The following TLR2 variants were observed in gnomAD, a reference collection of about 807,000 sequenced individuals.
The protein encoded by TLR2 is toll-like receptor 2.
In TLR2, 7 loss-of-function variants were observed where a neutral mutation model predicts 9.1. The ratio of observed to expected loss-of-function variants is 0.77; its 90% CI spans 0.44 to 1.44. The LOEUF (loss-of-function observed/expected upper bound fraction) is 1.44. Among genes scored for constraint, TLR2 ranks in the 40% most tolerant of loss-of-function variants. The pLI is 0.01. For missense variants in TLR2, 812 were observed against 904.6 expected, an observed-to-expected ratio of 0.90 and a Z score of 1.31; for synonymous variants, 317 against 344.6, an observed-to-expected ratio of 0.92 and a Z score of 0.89.
intron 2 of TLR2, among the ~76,000 whole-genome samples, chr4:153,696,315 TG>T (rs1736492567): frequency 6.6e-6 from 1 of 152,212 alleles, no homozygotes; most frequent in South Asian, 2.1e-4. Context: ...TCCATGAACA[TG>T]GAATATCTTT....
chr4:153,703,684 G>C lies in TLR2; in HGVS notation c.777G>C (p.Val259=). The C allele has an allele frequency of 1.2e-6, 2 of 1,612,886 alleles. No homozygotes were observed. Among genetic ancestry groups the C allele is most frequent in the Non-Finnish European group, 1.7e-6 (2 of 1,179,722 alleles). Residue 259 remains valine, a synonymous_variant, in exon 3 of 3, where the codon GTG becomes GTC. Coordinates refer to ENST00000642700, the MANE Select transcript of TLR2 (RefSeq NM_001318789.2). The part of the protein sequence containing the change: ...SLIKKFTFRN[V]KITDESLFQV... Reference sequence around the variant, plus strand: ...TTAAAAAGTTTACATTTAGAAATGTGAAAATCACCGATGAAAGTTTGTTTC... The same window carrying C: ...TTAAAAAGTTTACATTTAGAAATGTCAAAATCACCGATGAAAGTTTGTTTC...
At position 153,704,997 on chromosome 4, in the gene TLR2, A is replaced by T. The variant is rs986668570; in HGVS notation, c.2090A>T (p.His697Leu). 1 of 1,613,410 alleles carries T rather than the reference A, an allele frequency of 6.2e-7. No individual in the cohort carries two copies. Among genetic ancestry groups the T allele is most frequent in the African/African-American group, 1.3e-5 (1 of 74,902 alleles). ...DNIIDSIEKS[H>L]KTVFVLSENF... is the part of the protein sequence containing the mutation. ...ATCATTGACTCCATTGAAAAGAGCCACAAAACTGTCTTTGTGCTTTCTGAA... is the reference window on the plus strand; with the variant it reads ...ATCATTGACTCCATTGAAAAGAGCCTCAAAACTGTCTTTGTGCTTTCTGAA... The change falls in exon 3 of 3, where the codon CAC (histidine) becomes CTC (leucine). Residue 697 changes from histidine to leucine, a missense_variant. His to Leu is a moderately conservative substitution (Grantham distance 99, BLOSUM62 -3). Coordinates refer to ENST00000642700, the MANE Select transcript of TLR2 (RefSeq NM_001318789.2).
intron 2 of TLR2, among the ~76,000 whole-genome samples, chr4:153,690,198 T>C (rs974388481): frequency 2.6e-5 from 4 of 152,374 alleles, no homozygotes; most frequent in South Asian, 2.1e-4. Context: ...CAGCTGCTGA[T>C]AGCATCTGGC....
intron 2 of TLR2, among the ~76,000 whole-genome samples, chr4:153,691,910 G>A (rs991492141): frequency 1.3e-5 from 2 of 152,148 alleles, no homozygotes; most frequent in Non-Finnish European, 2.9e-5. Context: ...GAGAAATCGA[G>A]TTTTGCAAGT....
chr4:153,703,851 G>T lies in TLR2; in HGVS notation c.944G>T (p.Arg315Leu). The T allele has an allele frequency of 6.2e-7, 1 of 1,613,996 alleles. No homozygotes were observed. Among genetic ancestry groups the T allele is most frequent in the Non-Finnish European group, 8.5e-7 (1 of 1,179,970 alleles). The change falls in exon 3 of 3, where the codon CGG (arginine) becomes CTG (leucine). Residue 315 changes from arginine (R) to leucine (L), a missense_variant. By Grantham distance (102) the Arg-to-Leu change is moderately radical. Transcript: ENST00000642700. ...DPGKVETLTIRRLHIPRFYLF... is the reference protein window; with the variant it reads ...DPGKVETLTILRLHIPRFYLF... ...GGTAAAGTGGAAACGTTAACAATCC[G>T]GAGGCTGCATATTCCAAGGTTTTAC...
rs150148047 is a variant in TLR2 at position 153,689,940 on chromosome 4, G to C, written c.-17+1893G>C. 5.7e-4 allele frequency among the ~76,000 whole-genome samples: 86 copies of C among 152,178 alleles called. 1 individual carries two copies. The East Asian group carries it at 0.015, about 27-fold the overall frequency. Reference sequence around the variant, plus strand: ...TTGGGTCCTCCTCAGCATCAGTCTCGACATGGCTGCAACCAGAGGGTCCTC... The same window carrying C: ...TTGGGTCCTCCTCAGCATCAGTCTCCACATGGCTGCAACCAGAGGGTCCTC... On this transcript the variant is annotated intron_variant, in intron 2 of 2. Coordinates refer to ENST00000642700, the MANE Select transcript of TLR2 (RefSeq NM_001318789.2).
Position 153,702,742 on chromosome 4 carries a change from G to GTT in TLR2, c.-16-148_-16-147dup, listed in dbSNP as rs1736979056. ...CCCCATTCATTCGTTCCATTCATCT[G>GTT]TTTCTCTCTCTCTCTCTCTTTGTGT... is the stretch of plus-strand genomic sequence containing the variant. On this transcript the variant is annotated intron_variant, in intron 2 of 2. Transcript: ENST00000642700. 3 of 690,312 alleles carry GTT rather than the reference G, an allele frequency of 4.3e-6. No individual in the cohort carries two copies. The East Asian group carries it at 8.2e-5, about 19-fold the overall frequency. The allele number at this position is 690,312 out of a possible 1,614,324, so 42.8% of individuals were successfully genotyped here. A position where few individuals can be genotyped will look rare whatever the true frequency, so the allele number is the denominator to read the frequency against.
chr4:153,703,097 A>G lies in TLR2; in HGVS notation c.190A>G (p.Ile64Val), dbSNP rs1376796484. The change falls in exon 3 of 3, where the codon ATC becomes GTC. Residue 64 changes from isoleucine (I) to valine (V), a missense_variant. Ile to Val is a conservative substitution (Grantham distance 29). Transcript: ENST00000642700. ...AAGCCTTGACCTGTCCAACAACAGG[A>G]TCACCTACATTAGCAACAGTGACCT... The part of the protein sequence containing the change: ...VKSLDLSNNR[I>V]TYISNSDLQR... 6.2e-7 allele frequency: 1 copy of G among 1,614,164 alleles called. No homozygotes were observed. The highest frequency in any genetic ancestry group is 1.3e-5 in the African/African-American group (1 of 75,048).
At chr4:153,710,615 T>C, downstream of TLR2, 1 of 902,804 alleles carries the variant, frequency 1.1e-6, no homozygotes, top group Non-Finnish European at 1.7e-6. Flanking sequence ...TTCTATGTGC[T>C]CAATTAAAAG....
chr4:153,702,669 A>G (rs184092402), intron 2 of TLR2: 128 of 504,990 alleles, frequency 2.5e-4, no homozygotes, highest in African/African-American at 2.3e-3. Flanking sequence ...TAGTGGTTGT[A>G]TGTCTGTGTT....
At chr4:153,701,074 T>A (rs1736854507) in intron 2 of TLR2, among the ~76,000 whole-genome samples, 1 of 152,190 alleles carries the variant, frequency 6.6e-6, no homozygotes, top group South Asian at 2.1e-4. Context: ...AAAAATAGGC[T>A]AGAAAACTCA....
downstream of TLR2, among the ~76,000 whole-genome samples, chr4:153,707,508 C>T (rs982750619): frequency 2.0e-5 from 3 of 151,984 alleles, no homozygotes; most frequent in African/African-American, 2.4e-5. Context: ...TGTGATTGCA[C>T]CACTGCACTC....
At chr4:153,695,890 A>G (rs1736457433) in intron 2 of TLR2, among the ~76,000 whole-genome samples, 1 of 152,170 alleles carries the variant, frequency 6.6e-6, no homozygotes, top group African/African-American at 2.4e-5. Context: ...TCTTCCGCAT[A>G]TGGATATCTA....
chr4:153,685,318 AAG>A (rs917258148), intron 1 of TLR2, among the ~76,000 whole-genome samples: 2 of 152,158 alleles, frequency 1.3e-5, no homozygotes, highest in Non-Finnish European at 2.9e-5. Context: ...TCCTGTTTGA[AAG>A]AGAGAGAAAG....
intron 1 of TLR2, among the ~76,000 whole-genome samples, chr4:153,684,755 C>T (rs1191248754): frequency 6.6e-6 from 1 of 151,282 alleles, no homozygotes; most frequent in Non-Finnish European, 1.5e-5. Context: ...GGGGTTGCCG[C>T]GGAGAGCTTC....
downstream of TLR2, among the ~76,000 whole-genome samples, chr4:153,707,491 A>G (rs533991571): frequency 1.3e-5 from 2 of 150,922 alleles, no homozygotes; most frequent in African/African-American, 4.9e-5. Context: ...TCCAGGCTGC[A>G]GTGAGCTGTG....
At chr4:153,684,846 C>G (rs1735579960) in intron 1 of TLR2, among the ~76,000 whole-genome samples, 2 of 152,168 alleles carry the variant, frequency 1.3e-5, no homozygotes, top group African/African-American at 4.8e-5. Flanking sequence ...CCTCCCGCTT[C>G]CCTCACGGCC....
chr4:153,707,003 G>A (rs1437025183), downstream of TLR2, among the ~76,000 whole-genome samples: 1 of 152,092 alleles, frequency 6.6e-6, no homozygotes, highest in Non-Finnish European at 1.5e-5. Context: ...TGGGGTGAGG[G>A]TGATGTCTGT....
chr4:153,708,663 A>G (rs1737407179), downstream of TLR2, among the ~76,000 whole-genome samples: 1 of 152,240 alleles, frequency 6.6e-6, no homozygotes, highest in African/African-American at 2.4e-5. Flanking sequence ...GTACCTGCAC[A>G]GATAAGCAGG....
Sources: allele counts gnomAD v4.1 joint callset (sites outside exome capture counted in the v4.1 genomes callset), GRCh38; gene constraint gnomAD v4.1.1; transcripts MANE v1.5; gene names NCBI Gene and HGNC (gene_info 2026-07-23, HGNC 2026-07-21).